Variants in CRACR2A observed in about 807,000 individuals in gnomAD.
CRACR2A encodes the protein EF-hand calcium-binding domain-containing protein 4B.
Under a neutral mutation model 90.5 loss-of-function variants are expected in CRACR2A, and 79 were observed. The ratio of observed to expected loss-of-function variants is 0.87; its 90% CI spans 0.73 to 1.05. The LOEUF is 1.05. Ranked by LOEUF, CRACR2A falls within the 50% of genes least tolerant of loss-of-function variation. CRACR2A has a pLI of 0.00. For missense variants in CRACR2A, 823 were observed against 897.2 expected (o/e 0.92, Z 1.06); for synonymous variants, 338 against 356.7 (o/e 0.95, Z 0.59).
chr12:3,627,427 C>T lies in CRACR2A; in HGVS notation c.1932+9G>A, dbSNP rs1175975562. The T allele has an allele frequency of 1.9e-6, 3 of 1,550,028 alleles. No homozygotes were observed. The highest frequency in any genetic ancestry group is 2.6e-6 in the Non-Finnish European group (3 of 1,145,544). On this transcript the variant is annotated intron_variant, in intron 17 of 19. Coordinates refer to ENST00000440314, the MANE Select transcript of CRACR2A (RefSeq NM_001144958.2). ...AGCCTAAATGCTCCTAGGAAGGTCG[C>T]CAGCTCACCTCCACGCTGCTCAGCC...
At chr12:3,748,516 T>A (rs947573039) in intron 1 of CRACR2A, among the ~76,000 whole-genome samples, 1 of 152,086 alleles carries the variant, frequency 6.6e-6, no homozygotes, top group African/African-American at 2.4e-5. Context: ...TCCTGAAGAA[T>A]CTGTCACAAA....
intron 3 of CRACR2A, among the ~76,000 whole-genome samples, chr12:3,700,144 A>C (rs1472799285): frequency 6.6e-6 from 1 of 152,232 alleles, no homozygotes; most frequent in African/African-American, 2.4e-5. Context: ...TACTCTCAGG[A>C]GCTAACCCTG....
chr12:3,697,089 G>A, intron 3 of CRACR2A, 54 bp from the exon 4 acceptor site: 2 of 1,495,562 alleles, frequency 1.3e-6, no homozygotes, highest in South Asian at 1.3e-5. Context: ...GAGTGAGGCT[G>A]AAAAAGAACA....
intron 17 of CRACR2A, among the ~76,000 whole-genome samples, chr12:3,620,016 AG>A (rs1411007038): frequency 2.0e-5 from 3 of 152,270 alleles, no homozygotes; most frequent in Non-Finnish European, 4.4e-5. Flanking sequence ...CTGTGTAAGA[AG>A]GAACACTGTG....
chr12:3,748,618 G>A (rs1180400759), intron 1 of CRACR2A, among the ~76,000 whole-genome samples: 3 of 152,194 alleles, frequency 2.0e-5, no homozygotes, highest in African/African-American at 7.2e-5. Flanking sequence ...GGCAGATGAG[G>A]TCCTAGAGGA....
rs758814024 is a variant in CRACR2A at position 3,696,914 on chromosome 12, C to A, written c.86G>T (p.Cys29Phe). Residue 29 changes from cysteine to phenylalanine, a missense_variant, in exon 4 of 20, where the codon TGC becomes TTC. Cys to Phe is a radical substitution (Grantham distance 205, BLOSUM62 -2). Coordinates refer to ENST00000440314, the MANE Select transcript of CRACR2A (RefSeq NM_001144958.2). ...CTCCAGGCTGTCCAGGGGATGCAGGCAGGCTCCACTCCCCTTTGGCCCCTG... is the reference window on the plus strand; with the variant it reads ...CTCCAGGCTGTCCAGGGGATGCAGGAAGGCTCCACTCCCCTTTGGCCCCTG... ...SGQGPKGSGA[C>F]LHPLDSLEQK... 22 of 1,614,126 alleles carry A rather than the reference C, an allele frequency of 1.4e-5. No homozygotes were observed. The highest frequency in any genetic ancestry group is 1.8e-5 in the Non-Finnish European group (21 of 1,180,056).
In CRACR2A at chr12:3,649,239, GATAA is replaced by G. The variant is rs367646184; in HGVS notation, c.1047-630_1047-627del. Among the ~76,000 whole-genome samples, 522 of 149,100 alleles carry G rather than the reference GATAA, an allele frequency of 3.5e-3. 6 individuals carry two copies. Among genetic ancestry groups the G allele is most frequent in the African/African-American group, 0.012 (488 of 40,232 alleles). On this transcript the variant is annotated intron_variant, in intron 10 of 19. Transcript: ENST00000440314. ...AAAACTTAAAGTATAACAATAATAA[GATAA>G]ATAAATAAATAAATAAATAAATAAA...
rs777805760 is a variant in CRACR2A at position 3,633,615 on chromosome 12, G to A, written c.1724C>T (p.Ala575Val). 1.9e-5 allele frequency: 30 copies of A among 1,551,556 alleles called. No individual in the cohort carries two copies. Among genetic ancestry groups the A allele is most frequent in the Middle Eastern group, 3.3e-4 (2 of 6,014 alleles). ...FCEDRFSPGM[A>V]ATVGIDYRVK... ...GGATGAGAACTCACCCACAGTGGCCGCCATGCCTGGGGAGAACCGGTCCTC... is the reference window on the plus strand; with the variant it reads ...GGATGAGAACTCACCCACAGTGGCCACCATGCCTGGGGAGAACCGGTCCTC... The change falls in exon 15 of 20, where the codon GCG (alanine) becomes GTG (valine). Residue 575 changes from alanine (A) to valine (V), a missense_variant. Coordinates refer to ENST00000440314, the MANE Select transcript of CRACR2A (RefSeq NM_001144958.2). This position sits in a 1 kb window ranked among gnomAD's most constrained non-coding sequence, Gnocchi z 4.5.
At chr12:3,660,110 C>T (rs1360444335) in intron 7 of CRACR2A, among the ~76,000 whole-genome samples, 1 of 152,158 alleles carries the variant, frequency 6.6e-6, no homozygotes, top group Non-Finnish European at 1.5e-5. Flanking sequence ...TTTATCTTGT[C>T]CCTGTTTGCA....
At chr12:3,695,349 G>A (rs2137694006) in intron 4 of CRACR2A, among the ~76,000 whole-genome samples, 1 of 152,300 alleles carries the variant, frequency 6.6e-6, no homozygotes, top group Admixed American at 6.5e-5. Context: ...GAGCCTTTGA[G>A]GACTGGGTTT....
chr12:3,674,950 TA>T (rs1189598336), intron 6 of CRACR2A, among the ~76,000 whole-genome samples: 1 of 152,244 alleles, frequency 6.6e-6, no homozygotes, highest in African/African-American at 2.4e-5. Context: ...TTTACTCTGT[TA>T]AACTTTGAGA....
At chr12:3,654,625 C>A (rs182839860) in intron 9 of CRACR2A, among the ~76,000 whole-genome samples, 1 of 152,198 alleles carries the variant, frequency 6.6e-6, no homozygotes, top group Non-Finnish European at 1.5e-5. Flanking sequence ...CCTGTCTCCA[C>A]ATAGGACCAC....
In CRACR2A at chr12:3,745,825, T is replaced by TAAATAAAATAAAG. The variant is rs149739964; in HGVS notation, c.-387+7189_-387+7190insCTTTATTTTATTT. 3.6e-3 allele frequency among the ~76,000 whole-genome samples: 357 copies of TAAATAAAATAAAG among 100,540 alleles called. 8 individuals are homozygous for TAAATAAAATAAAG. Among genetic ancestry groups the TAAATAAAATAAAG allele is most frequent in the Admixed American group, 5.9e-3 (54 of 9,206 alleles). The allele number at this position is 100,540 out of a possible 152,430, so 66.0% of individuals were successfully genotyped here. A position where few individuals can be genotyped will look rare whatever the true frequency, so the allele number is the denominator to read the frequency against. On this transcript the variant is annotated intron_variant, in intron 1 of 19. Coordinates refer to ENST00000440314, the MANE Select transcript of CRACR2A (RefSeq NM_001144958.2). ...TAAAATAAAATAAAATAAAATAAAA[T>TAAATAAAATAAAG]AAAGAAAGAAAAGAGAAGAGAAAAG...
rs1946629722 is a variant in CRACR2A at position 3,746,572 on chromosome 12, T to A, written c.-387+6443A>T. 6.6e-6 allele frequency among the ~76,000 whole-genome samples: 1 copy of A among 152,224 alleles called. No homozygotes were observed. The highest frequency in any genetic ancestry group is 1.5e-5 in the Non-Finnish European group (1 of 68,038). The stretch of plus-strand genomic sequence containing the variant: ...GCCTCCAGAACTGTGAGAAAATAAA[T>A]TTCGGTTGTCTGTGATATTTTGTTC... On this transcript the variant is annotated intron_variant, in intron 1 of 19. Coordinates refer to ENST00000440314, the MANE Select transcript of CRACR2A (RefSeq NM_001144958.2). This position sits in a 1 kb window ranked among gnomAD's most constrained non-coding sequence, Gnocchi z 4.4.
intron 7 of CRACR2A, among the ~76,000 whole-genome samples, chr12:3,663,963 A>G (rs534899209): frequency 6.6e-6 from 1 of 152,306 alleles, no homozygotes; most frequent in East Asian, 1.9e-4. Flanking sequence ...TAATGCTGTT[A>G]GATTTTGTGT....
chr12:3,628,398 G>A (rs937280484), intron 15 of CRACR2A, among the ~76,000 whole-genome samples: 15 of 152,268 alleles, frequency 9.9e-5, no homozygotes, highest in African/African-American at 3.6e-4. Flanking sequence ...CTGGCAGGTA[G>A]AGGAAAGGAC....
chr12:3,720,442 A>AGAAAGAAAG (rs1555119091), intron 2 of CRACR2A, among the ~76,000 whole-genome samples: 5 of 151,272 alleles, frequency 3.3e-5, no homozygotes, highest in Non-Finnish European at 5.9e-5. Flanking sequence ...AAAGAAAGAA[A>AGAAAGAAAG]GAAAGAAAGA....
intron 11 of CRACR2A, 97 bp downstream of exon 11, chr12:3,648,445 T>C (rs758649126): frequency 1.9e-6 from 3 of 1,601,078 alleles, no homozygotes; most frequent in East Asian, 2.2e-5. Flanking sequence ...CAGGCACGTT[T>C]TTCCAGCACG....
At chr12:3,743,109 G>A (rs1946553749) in intron 1 of CRACR2A, among the ~76,000 whole-genome samples, 1 of 152,152 alleles carries the variant, frequency 6.6e-6, no homozygotes. Context: ...AACTGCTATT[G>A]AGTACAAATT....
Sources: gnomAD v4.1 joint callset for allele counts (sites outside exome capture counted in the v4.1 genomes callset) on GRCh38, gnomAD v4.1.1 for gene constraint, Gnocchi (gnomAD v3.1) non-coding constraint, MANE v1.5 for transcripts, NCBI Gene and HGNC (gene_info 2026-07-23, HGNC 2026-07-21) for gene names.